The following CHSY3 variants were observed in gnomAD, a reference collection of about 807,000 sequenced individuals.
CHSY3 encodes the protein chondroitin sulfate synthase 3.
A neutral mutation model predicts 67.2 loss-of-function variants in CHSY3; 35 were observed. That is an observed-to-expected ratio of 0.52 (90% CI 0.40 to 0.69). CHSY3 has a LOEUF of 0.69. CHSY3 is among the 30% of genes least tolerant of loss of function. CHSY3 has a pLI of 0.00. For synonymous variants in CHSY3, 474 were observed against 434.7 expected (o/e 1.09, Z -1.12); for missense variants, 1,069 against 1,138.5 (o/e 0.94, Z 0.88).
chr5:129,990,050 T>C (rs766435491), intron 2 of CHSY3, among the ~76,000 whole-genome samples: 1 of 152,150 alleles, frequency 6.6e-6, no homozygotes, highest in Non-Finnish European at 1.5e-5. Context: ...GATAATCAAG[T>C]TAAAAATGAT....
chr5:130,014,011 C>T (rs1764140445), intron 2 of CHSY3, among the ~76,000 whole-genome samples: 1 of 152,268 alleles, frequency 6.6e-6, no homozygotes, highest in Non-Finnish European at 1.5e-5. Context: ...TCCACATATC[C>T]CTAAAGCACT....
intron 2 of CHSY3, among the ~76,000 whole-genome samples, chr5:129,953,048 G>A (rs920839244): frequency 6.7e-6 from 1 of 148,812 alleles, no homozygotes; most frequent in Non-Finnish European, 1.5e-5. Context: ...TGTTACATAG[G>A]TATACACATG....
rs546349732 is a variant in CHSY3 at position 130,172,222 on chromosome 5, G to A, written c.1087-12007G>A. Among the ~76,000 whole-genome samples, 18 of 151,916 alleles carry A rather than the reference G, an allele frequency of 1.2e-4. No homozygotes were observed. The South Asian group carries it at 3.7e-3, about 32-fold the overall frequency. On this transcript the variant is annotated intron_variant, in intron 2 of 2. Transcript: ENST00000305031. ...GAAGTATATTAATTGGCCAGAGTGT[G>A]ATATGCATTCACTTTTAGGAAAAGA... is the stretch of plus-strand genomic sequence containing the variant.
intron 2 of CHSY3, among the ~76,000 whole-genome samples, chr5:130,023,389 A>G (rs1222293365): frequency 6.6e-6 from 1 of 152,054 alleles, no homozygotes; most frequent in Non-Finnish European, 1.5e-5. Flanking sequence ...TGATCATGCT[A>G]TACTTTTACT....
intron 2 of CHSY3, among the ~76,000 whole-genome samples, chr5:130,012,256 C>A (rs922581612): frequency 6.6e-6 from 1 of 152,054 alleles, no homozygotes; most frequent in African/African-American, 2.4e-5. Flanking sequence ...ACACATAGAC[C>A]ACTGGGACAG....
At chr5:130,027,975 G>C (rs1030058599) in intron 2 of CHSY3, among the ~76,000 whole-genome samples, 1 of 152,036 alleles carries the variant, frequency 6.6e-6, no homozygotes, top group African/African-American at 2.4e-5. Context: ...AGAATCCTTT[G>C]GGTATATACC....
intron 2 of CHSY3, among the ~76,000 whole-genome samples, chr5:129,967,010 T>G (rs1762487156): frequency 6.6e-6 from 1 of 151,860 alleles, no homozygotes; most frequent in Non-Finnish European, 1.5e-5. Context: ...ATAAGTGATT[T>G]GACCATCTTC....
At chr5:129,972,415 C>T (rs1762668612) in intron 2 of CHSY3, among the ~76,000 whole-genome samples, 1 of 151,966 alleles carries the variant, frequency 6.6e-6, no homozygotes, top group African/African-American at 2.4e-5. Flanking sequence ...CAGTTTAGTC[C>T]TCTCAGTCAC....
chr5:130,059,696 C>T (rs1257561343), intron 2 of CHSY3, among the ~76,000 whole-genome samples: 1 of 152,060 alleles, frequency 6.6e-6, no homozygotes, highest in East Asian at 1.9e-4. Flanking sequence ...TTTTAACCGA[C>T]TACAACTACC....
chr5:129,985,635 C>G (rs1763177630), intron 2 of CHSY3, among the ~76,000 whole-genome samples: 1 of 151,982 alleles, frequency 6.6e-6, no homozygotes, highest in African/African-American at 2.4e-5. Context: ...CATTTTAACG[C>G]TATTGATTCT....
intron 2 of CHSY3, among the ~76,000 whole-genome samples, chr5:130,164,955 G>GA (rs958157805): frequency 2.0e-5 from 3 of 151,792 alleles, no homozygotes; most frequent in South Asian, 2.1e-4. Context: ...ACCCTAAGTA[G>GA]AAAAAAAAGA....
At chr5:129,927,112 G>C (rs769455268) in intron 2 of CHSY3, among the ~76,000 whole-genome samples, 1 of 151,632 alleles carries the variant, frequency 6.6e-6, no homozygotes, top group African/African-American at 2.4e-5. Context: ...TTAGTATTCT[G>C]TTTTTTTCTT....
At chr5:129,937,787 A>G (rs115699529) in intron 2 of CHSY3, among the ~76,000 whole-genome samples, 2,920 of 152,222 alleles carry the variant, frequency 0.019, 93 homozygotes, top group African/African-American at 0.066. Context: ...TTAAATCTCA[A>G]AGCTCCATAA....
intron 2 of CHSY3, among the ~76,000 whole-genome samples, chr5:130,171,988 G>A (rs1321611193): frequency 6.6e-6 from 1 of 152,240 alleles, no homozygotes; most frequent in Non-Finnish European, 1.5e-5. Context: ...CTTAGGCATA[G>A]CTCAGTGCTG....
intron 2 of CHSY3, among the ~76,000 whole-genome samples, chr5:129,954,818 A>G (rs913603421): frequency 6.6e-6 from 1 of 152,254 alleles, no homozygotes; most frequent in South Asian, 2.1e-4. Flanking sequence ...TGATTTTTGC[A>G]CATTGATTTT....
chr5:130,169,003 A>C (rs1424252500), intron 2 of CHSY3, among the ~76,000 whole-genome samples: 1 of 152,152 alleles, frequency 6.6e-6, no homozygotes, highest in Non-Finnish European at 1.5e-5. Flanking sequence ...TATAGCTGCG[A>C]GTAGGAGAGG....
intron 2 of CHSY3, among the ~76,000 whole-genome samples, chr5:130,010,373 C>T (rs1764020203): frequency 6.6e-6 from 1 of 152,090 alleles, no homozygotes; most frequent in Admixed American, 6.6e-5. Flanking sequence ...CAACCTGTTC[C>T]TGAAGGACTT....
At chr5:130,176,691 C>G (rs769470980) in intron 2 of CHSY3, among the ~76,000 whole-genome samples, 1 of 152,144 alleles carries the variant, frequency 6.6e-6, no homozygotes, top group Non-Finnish European at 1.5e-5. Context: ...ATGTCCTTTG[C>G]AGGACATGGA....
intron 2 of CHSY3, among the ~76,000 whole-genome samples, chr5:130,162,849 C>G (rs1372731133): frequency 6.6e-6 from 1 of 152,280 alleles, no homozygotes; most frequent in East Asian, 1.9e-4. Flanking sequence ...TGGCACAATG[C>G]AAATGGAATA....
Sources: gnomAD v4.1 joint callset for allele counts (sites outside exome capture counted in the v4.1 genomes callset) on GRCh38, gnomAD v4.1.1 for gene constraint, MANE v1.5 for transcripts, NCBI Gene and HGNC (gene_info 2026-07-23, HGNC 2026-07-21) for gene names.